Variants in PCDHA6 observed in about 807,000 individuals in gnomAD.
PCDHA6 encodes the protein protocadherin alpha 6, also known as protocadherin alpha-6.
Under a neutral mutation model 60.3 loss-of-function variants are expected in PCDHA6, and 55 were observed. That is an observed-to-expected ratio of 0.91 (90% CI 0.73 to 1.14). PCDHA6 has a LOEUF of 1.14. Ranked by LOEUF, PCDHA6 falls within the 50% of genes most tolerant of loss-of-function variation. The pLI, the probability that PCDHA6 is intolerant of heterozygous loss-of-function variation, is 0.00. For missense variants in PCDHA6, 1,327 were observed against 1,256.5 expected, an observed-to-expected ratio of 1.06 and a Z score of -0.85; for synonymous variants, 652 against 557.9, an observed-to-expected ratio of 1.17 and a Z score of -2.38.
intron 1 of PCDHA6, chr5:140,969,215 C>T: frequency 6.2e-7 from 1 of 1,614,128 alleles, no homozygotes; most frequent in East Asian, 2.2e-5. Flanking sequence ...CCAGACAGGA[C>T]CAGGGCCTTC....
intron 1 of PCDHA6, among the ~76,000 whole-genome samples, chr5:140,844,413 A>C (rs1581068328): frequency 6.7e-6 from 1 of 149,462 alleles, no homozygotes; most frequent in South Asian, 2.1e-4. Flanking sequence ...ATTTGGAGAC[A>C]TGTTTTTTAT....
intron 1 of PCDHA6, chr5:140,875,968 T>C (rs1554168125): frequency 2.5e-6 from 4 of 1,614,024 alleles, no homozygotes; most frequent in Non-Finnish European, 3.4e-6. Flanking sequence ...CGGCGTAAAC[T>C]CTCTTTTGAC....
chr5:140,887,221 C>G lies in PCDHA6; in HGVS notation c.2394+56736C>G, dbSNP rs149306651. ...ACGCCATTCTCCTGCCTCAGCCTCCCGAGTAGCTGAGACTACCGGCGCCCG... is the reference window on the plus strand; with the variant it reads ...ACGCCATTCTCCTGCCTCAGCCTCCGGAGTAGCTGAGACTACCGGCGCCCG... On this transcript the variant is annotated intron_variant, in intron 1 of 3. Transcript: ENST00000529310. Among the ~76,000 whole-genome samples, 1,413 of 151,972 alleles carry G rather than the reference C, an allele frequency of 9.3e-3. 17 individuals carry two copies. The highest frequency in any genetic ancestry group is 0.033 in the African/African-American group (1,349 of 41,450).
chr5:140,929,645 C>G (rs1271694172), intron 1 of PCDHA6: 1 of 366,374 alleles, frequency 2.7e-6, no homozygotes, highest in Non-Finnish European at 5.0e-6. Context: ...ATGTGTAAGG[C>G]ACTCTAATAT....
chr5:140,859,358 A>G (rs1470133461), intron 1 of PCDHA6: 1 of 254,184 alleles, frequency 3.9e-6, no homozygotes, highest in Non-Finnish European at 7.4e-6. Context: ...CTGATCTGAT[A>G]TATTGTATAG....
In PCDHA6 at chr5:140,884,064, C is replaced by A. The variant is rs150717183; in HGVS notation, c.2394+53579C>A. On this transcript the variant is annotated intron_variant, in intron 1 of 3. Transcript: ENST00000529310. ...GTGGCGAAGGTGCGCGCGGTGGACGCCGATTCGGGCTACAATGCGTGGCTT... is the reference window on the plus strand; with the variant it reads ...GTGGCGAAGGTGCGCGCGGTGGACGACGATTCGGGCTACAATGCGTGGCTT... 2.3e-3 allele frequency: 3,707 copies of A among 1,613,502 alleles called. 15 individuals carry two copies. Among genetic ancestry groups the A allele is most frequent in the Middle Eastern group, 9.0e-3 (54 of 5,970 alleles).
chr5:140,884,150 A>G (rs782776110), intron 1 of PCDHA6: 14 of 1,613,346 alleles, frequency 8.7e-6, no homozygotes, highest in Non-Finnish European at 1.1e-5. Context: ...GGGGCTGTAC[A>G]CTGGCGAGAT....
chr5:140,848,554 T>G (rs1554142197), intron 1 of PCDHA6: 4 of 1,595,574 alleles, frequency 2.5e-6, no homozygotes, highest in Admixed American at 3.4e-5. Flanking sequence ...TCGCTTCTGA[T>G]CCTCGCAATG....
chr5:140,983,030 T>C (rs1333101014), intron 3 of PCDHA6, among the ~76,000 whole-genome samples: 1 of 151,922 alleles, frequency 6.6e-6, no homozygotes, highest in African/African-American at 2.4e-5. Context: ...GGAAGATGGT[T>C]TCTCATGGAA....
intron 1 of PCDHA6, chr5:140,876,574 G>A (rs1554168680): frequency 1.9e-6 from 3 of 1,614,158 alleles, no homozygotes; most frequent in Non-Finnish European, 2.5e-6. Flanking sequence ...GGTGGGTACC[G>A]TCATTGCCCT....
At chr5:140,935,144 A>G (rs1289868558) in intron 1 of PCDHA6, among the ~76,000 whole-genome samples, 1 of 152,184 alleles carries the variant, frequency 6.6e-6, no homozygotes, top group Admixed American at 6.5e-5. Context: ...TGATACTTAG[A>G]GATATAATCT....
chr5:140,944,992 C>T (rs561484046), intron 1 of PCDHA6, among the ~76,000 whole-genome samples: 11 of 152,114 alleles, frequency 7.2e-5, no homozygotes, highest in South Asian at 2.1e-4. Flanking sequence ...ACTTCTGTAA[C>T]GGTTGTGGGT....
chr5:140,834,613 T>C, intron 1 of PCDHA6: 2 of 1,614,054 alleles, frequency 1.2e-6, no homozygotes, highest in African/African-American at 1.3e-5. Flanking sequence ...CTTCTGGAGG[T>C]AAATCTGCAG....
At chr5:140,921,285 T>G (rs1275527554) in intron 1 of PCDHA6, among the ~76,000 whole-genome samples, 1 of 152,180 alleles carries the variant, frequency 6.6e-6, no homozygotes. Context: ...GAAAAAAACC[T>G]CAAATTTGCT....
At chr5:140,967,710 G>A (rs868978149) in intron 1 of PCDHA6, 1 of 1,614,182 alleles carries the variant, frequency 6.2e-7, no homozygotes, top group Non-Finnish European at 8.5e-7. Flanking sequence ...GCCAGTACCG[G>A]GGAAGTGCGA....
At chr5:140,949,181 A>G (rs2094350223) in intron 1 of PCDHA6, among the ~76,000 whole-genome samples, 2 of 151,604 alleles carry the variant, frequency 1.3e-5, no homozygotes, top group Non-Finnish European at 3.0e-5. Context: ...CAGAGAACAT[A>G]CTCTGCATGA....
intron 1 of PCDHA6, chr5:140,966,674 G>A: frequency 7.7e-7 from 1 of 1,295,168 alleles, no homozygotes; most frequent in Non-Finnish European, 1.0e-6. Flanking sequence ...GGCGCAGGGT[G>A]GCACGAGCGG....
Position 140,856,344 on chromosome 5 carries a change from T to C in PCDHA6, c.2394+25859T>C, listed in dbSNP as rs782335067. 2.8e-5 allele frequency: 45 copies of C among 1,598,188 alleles called. 4 individuals are homozygous for C. The highest frequency in any genetic ancestry group is 1.5e-4 in the Admixed American group (9 of 59,260). On this transcript the variant is annotated intron_variant, in intron 1 of 3. Transcript: ENST00000529310. The stretch of plus-strand genomic sequence containing the variant: ...CGCGAGGAGCTGTGCGGGCGGAGCG[T>C]GGAGTGCAGCATCCACCTGGAGGTG...
chr5:140,885,638 A>C (rs1490773479), intron 1 of PCDHA6, among the ~76,000 whole-genome samples: 10 of 152,184 alleles, frequency 6.6e-5, no homozygotes, highest in Admixed American at 5.2e-4. Flanking sequence ...ATTGCCTTCC[A>C]AGTATTTTGG....
Sources: allele counts gnomAD v4.1 joint callset (sites outside exome capture counted in the v4.1 genomes callset), GRCh38; gene constraint gnomAD v4.1.1; transcripts MANE v1.5; gene names NCBI Gene and HGNC (gene_info 2026-07-23, HGNC 2026-07-21).